IQUB: variants seen among roughly 807,000 people sequenced by gnomAD.
IQUB encodes IQ motif and ubiquitin-like domain-containing protein.
Under a neutral mutation model 86.4 loss-of-function variants are expected in IQUB, and 86 were observed. The observed-to-expected ratio is 1.00, with a 90% CI of 0.84 to 1.19. IQUB has a LOEUF of 1.19. Ranked by LOEUF, IQUB falls within the 50% of genes most tolerant of loss-of-function variation. The pLI is 0.00. For synonymous variants in IQUB, 289 were observed against 304.5 expected (o/e 0.95, Z 0.53); for missense variants, 946 against 916.9 (o/e 1.03, Z -0.41).
intron 7 of IQUB, among the ~76,000 whole-genome samples, chr7:123,482,995 C>T (rs1795071954): frequency 6.6e-6 from 1 of 152,098 alleles, no homozygotes; most frequent in Non-Finnish European, 1.5e-5. Flanking sequence ...TACTCATCAG[C>T]ATGTATCATA....
At chr7:123,476,152 A>T (rs1416750885) in intron 8 of IQUB, among the ~76,000 whole-genome samples, 1 of 147,458 alleles carries the variant, frequency 6.8e-6, no homozygotes, top group Non-Finnish European at 1.5e-5. Context: ...TTTCCTTTAA[A>T]GGTTCAAAAT....
At chr7:123,504,349 C>T (rs969824362) in intron 3 of IQUB, among the ~76,000 whole-genome samples, 1 of 152,076 alleles carries the variant, frequency 6.6e-6, no homozygotes, top group Non-Finnish European at 1.5e-5. Context: ...ACTCGGGAGG[C>T]TGAGGCAAGA....
chr7:123,502,358 C>T, intron 6 of IQUB: 2 of 481,850 alleles, frequency 4.2e-6, no homozygotes, highest in Non-Finnish European at 3.6e-6. Flanking sequence ...TGGCCAAAGG[C>T]AATACACAAA....
rs903580958 is a variant in IQUB, at chr7:123,452,664, T to C, written c.*79A>G. 2 of 872,198 alleles carry C rather than the reference T, an allele frequency of 2.3e-6. No homozygotes were observed. Among genetic ancestry groups the C allele is most frequent in the Admixed American group, 5.7e-5 (2 of 35,244 alleles). The allele number at this position is 872,198 out of a possible 1,614,324, so 54.0% of individuals were successfully genotyped here. On this transcript the variant is annotated 3_prime_UTR_variant, in exon 13 of 13. Transcript: ENST00000324698. ...AATCAATAAACAGATTAAATTCCAT[T>C]TCCATACTCTGTGACCTCTGTATTA...
At chr7:123,466,390 T>G (rs1293727439) in intron 9 of IQUB, among the ~76,000 whole-genome samples, 1 of 152,174 alleles carries the variant, frequency 6.6e-6, no homozygotes, top group African/African-American at 2.4e-5. Context: ...CTATGCACTC[T>G]CTTTTTGCCA....
chr7:123,459,722 T>C (rs188023692), intron 11 of IQUB: 1 of 152,142 alleles, frequency 6.6e-6, no homozygotes, highest in Non-Finnish European at 1.5e-5. Flanking sequence ...ACATGGAATA[T>C]TGAGCCAGCA....
chr7:123,463,685 G>C (rs929163471), intron 10 of IQUB, among the ~76,000 whole-genome samples: 3 of 151,452 alleles, frequency 2.0e-5, no homozygotes, highest in Non-Finnish European at 4.4e-5. Flanking sequence ...GGGCTGATAG[G>C]ACCATTTCTT....
Position 123,464,946 on chromosome 7 carries a change from T to C in IQUB, c.1645A>G (p.Met549Val). The C allele has an allele frequency of 6.2e-7, 1 of 1,604,922 alleles. No individual in the cohort carries two copies. The highest frequency in any genetic ancestry group is 8.5e-7 in the Non-Finnish European group (1 of 1,175,298). ...AGGTTATGATGTTTGACTCCTCTCATCATAAGGTCAACCTCTCTGTCAATC... is the reference window on the plus strand; with the variant it reads ...AGGTTATGATGTTTGACTCCTCTCACCATAAGGTCAACCTCTCTGTCAATC... ...ELIDREVDLM[M>V]RGVKHHNLEG... The change falls in exon 10 of 13, where the codon ATG (methionine) becomes GTG (valine). Residue 549 changes from methionine to valine, a missense_variant. Transcript: ENST00000324698.
intron 8 of IQUB, among the ~76,000 whole-genome samples, chr7:123,471,993 T>C (rs779147292): frequency 4.6e-5 from 7 of 152,080 alleles, no homozygotes; most frequent in Non-Finnish European, 1.0e-4. Flanking sequence ...ATTTCAGCAC[T>C]TTGGGAGGCC....
intron 1 of IQUB, among the ~76,000 whole-genome samples, chr7:123,527,849 G>T (rs7791268): frequency 2.0e-5 from 3 of 152,062 alleles, no homozygotes; most frequent in Non-Finnish European, 2.9e-5. Flanking sequence ...CCACCCAGTT[G>T]GAGCTTCCCA....
At chr7:123,510,097 G>T in intron 2 of IQUB, 62 bp from the exon 3 acceptor site, 2 of 1,036,366 alleles carry the variant, frequency 1.9e-6, no homozygotes, top group Non-Finnish European at 2.8e-6. Flanking sequence ...GCAAACTACA[G>T]TCCACAAACA....
chr7:123,452,916 G>T lies in IQUB; in HGVS notation c.2203C>A (p.Arg735Ser), dbSNP rs139158865. 1 of 1,605,068 alleles carries T rather than the reference G, an allele frequency of 6.2e-7. No homozygotes were observed. Residue 735 changes from arginine to serine, a missense_variant, in exon 13 of 13, where the codon CGC becomes AGC. Transcript: ENST00000324698. ...KLTSIEEGYERSFIHKIKHKH... is the reference protein window; with the variant it reads ...KLTSIEEGYESSFIHKIKHKH... ...TGTTTGATCTTGTGAATAAATGAGC[G>T]TTCATATCCCTGCAAAGAAAAAAAT...
intron 1 of IQUB, among the ~76,000 whole-genome samples, chr7:123,517,424 G>A (rs1377886726): frequency 1.3e-5 from 2 of 150,860 alleles, no homozygotes; most frequent in African/African-American, 4.9e-5. Flanking sequence ...CCAGCTACTC[G>A]GGAGGCTGAG....
intron 1 of IQUB, among the ~76,000 whole-genome samples, chr7:123,528,196 C>G (rs1036866628): frequency 9.2e-5 from 14 of 152,172 alleles, no homozygotes; most frequent in African/African-American, 3.4e-4. Flanking sequence ...CACGCACCCA[C>G]TGACCTGCGC....
intron 3 of IQUB, among the ~76,000 whole-genome samples, chr7:123,507,520 A>G (rs1381127586): frequency 6.6e-6 from 1 of 152,200 alleles, no homozygotes; most frequent in African/African-American, 2.4e-5. Flanking sequence ...TATTTTGGCT[A>G]TGTTCAAGAA....
At chr7:123,479,124 C>G (rs1794882888) in intron 8 of IQUB, among the ~76,000 whole-genome samples, 1 of 152,074 alleles carries the variant, frequency 6.6e-6, no homozygotes, top group South Asian at 2.1e-4. Flanking sequence ...TACAGGCTAA[C>G]ATCTTAGAGA....
Position 123,503,110 on chromosome 7 carries a change from T to G in IQUB, c.701A>C (p.Asp234Ala). ...IITVTVQTGL[D>A]QYQQVPVEIV... ...CTCAACAGGTACCTGCTGGTATTGA[T>G]CAAGTCCTGAGAGATAACACCAAGA... Residue 234 changes from aspartate (D) to alanine (A), a missense_variant, in exon 5 of 13, where the codon GAT (aspartate) becomes GCT (alanine). Physicochemically the swap from Asp to Ala is moderately radical, Grantham distance 126. Transcript: ENST00000324698. 6.2e-7 allele frequency: 1 copy of G among 1,612,420 alleles called. No individual in the cohort carries two copies. Among genetic ancestry groups the G allele is most frequent in the East Asian group, 2.2e-5 (1 of 44,786 alleles).
At chr7:123,526,455 G>T (rs1179281081) in intron 1 of IQUB, among the ~76,000 whole-genome samples, 1 of 152,100 alleles carries the variant, frequency 6.6e-6, no homozygotes, top group East Asian at 1.9e-4. Flanking sequence ...TTAAGTAATG[G>T]CCTTCTTTGT....
At chr7:123,513,041 A>C (rs2117269498) in intron 1 of IQUB, among the ~76,000 whole-genome samples, 1 of 152,306 alleles carries the variant, frequency 6.6e-6, no homozygotes, top group East Asian at 1.9e-4. Context: ...CACCTATAGA[A>C]GTCAGGAAGG....
Sources: allele counts gnomAD v4.1 joint callset (sites outside exome capture counted in the v4.1 genomes callset), GRCh38; gene constraint gnomAD v4.1.1; transcripts MANE v1.5; gene names NCBI Gene and HGNC (gene_info 2026-07-23, HGNC 2026-07-21).